The following COL16A1 variants were observed in gnomAD, a reference collection of about 807,000 sequenced individuals.
The protein encoded by COL16A1 is collagen type XVI alpha 1 chain.
COL16A1 carries 189 observed loss-of-function variants against 266.3 expected under a neutral mutation model. The observed-to-expected ratio is 0.71, with a 90% CI of 0.63 to 0.80. The LOEUF (loss-of-function observed/expected upper bound fraction) is 0.80. COL16A1 is among the 30% of genes least tolerant of loss of function. The probability of loss-of-function intolerance (pLI) is 0.00; values close to 1 mark genes in which losing one functional copy is unlikely to be tolerated. For missense variants in COL16A1, 1,928 were observed against 2,122.4 expected, an observed-to-expected ratio of 0.91 and a Z score of 1.80; for synonymous variants, 740 against 782.3, an observed-to-expected ratio of 0.95 and a Z score of 0.90.
chr1:31,679,953 C>T (rs1643495984), intron 40 of COL16A1, 89 bp downstream of exon 40: 2 of 1,575,852 alleles, frequency 1.3e-6, no homozygotes, highest in South Asian at 1.1e-5. Flanking sequence ...GGTGCGTGGC[C>T]CTGCGGGGCC....
intron 2 of COL16A1, chr1:31,701,312 G>C (rs1481407113): frequency 1.0e-6 from 1 of 985,326 alleles, no homozygotes; most frequent in Non-Finnish European, 1.2e-6. Flanking sequence ...CAGTGAGGGA[G>C]AGGAGAGCAA....
intron 20 of COL16A1, 31 bp from the exon 21 acceptor site, chr1:31,690,604 C>T: frequency 1.9e-6 from 3 of 1,611,536 alleles, no homozygotes; most frequent in Non-Finnish European, 1.7e-6. Flanking sequence ...AAGCGGGGAG[C>T]CTTCTGGCCA....
In COL16A1 at chr1:31,654,534, A is replaced by G. The variant is rs140247749; in HGVS notation, c.4357+258T>C. Among the ~76,000 whole-genome samples the G allele has an allele frequency of 2.2e-4, 33 of 152,260 alleles. No individual in the cohort carries two copies. In the East Asian group the frequency reaches 5.8e-3, roughly 27 times the overall value. The stretch of plus-strand genomic sequence containing the variant: ...CTTCAGGCAGACTCGTTTAATACCA[A>G]TTTTCTTGTCTGTCTCCTTTGCTCA... On this transcript the variant is annotated intron_variant, in intron 68 of 70. Coordinates refer to ENST00000373672, the MANE Select transcript of COL16A1 (RefSeq NM_001856.4).
chr1:31,690,092 C>T lies in COL16A1; in HGVS notation c.1510-241G>A, dbSNP rs1644190914. The T allele has an allele frequency of 9.6e-6, 6 of 622,444 alleles. No homozygotes were observed. In the South Asian group the frequency reaches 1.2e-4, roughly 13 times the overall value. The allele number at this position is 622,444 out of a possible 1,614,324, so 38.6% of individuals were successfully genotyped here. ...GTAAGCCTTAAAACATGACTGTGCC[C>T]CACTGACAGACATGGAAACTTGGGC... On this transcript the variant is annotated intron_variant, in intron 22 of 70. Transcript: ENST00000373672.
chr1:31,693,004 C>T lies in COL16A1; in HGVS notation c.1071+88G>A, dbSNP rs117922701. ...CTGGGCCAAGCTGCAGGCTTTCTGC[C>T]GGGATGATGGGATGATGGCTCACAT... On this transcript the variant is annotated intron_variant, in intron 13 of 70. Transcript: ENST00000373672. The T allele has an allele frequency of 8.5e-3, 8,830 of 1,041,072 alleles. 316 individuals are homozygous for T. In the African/African-American group the frequency reaches 0.088, roughly 10 times the overall value. 64.5% of individuals were successfully genotyped at this position (1,041,072 alleles called of 1,614,324 possible).
intron 62 of COL16A1, among the ~76,000 whole-genome samples, chr1:31,659,396 G>T (rs1641446952): frequency 1.3e-5 from 2 of 152,162 alleles, no homozygotes; most frequent in Non-Finnish European, 2.9e-5. Flanking sequence ...TGAGGGGCAG[G>T]GGCTTGGCAC....
At chr1:31,662,199 G>T in intron 58 of COL16A1, 135 bp downstream of exon 58, 1 of 1,493,888 alleles carries the variant, frequency 6.7e-7, no homozygotes, top group South Asian at 1.2e-5. Flanking sequence ...GAGGGAGACA[G>T]ACCGAGGGAG....
intron 62 of COL16A1, 111 bp from the exon 63 acceptor site, chr1:31,659,075 T>C (rs1176051814): frequency 3.0e-6 from 3 of 993,656 alleles, no homozygotes; most frequent in Admixed American, 2.1e-5. Flanking sequence ...CTCCATTTCC[T>C]CTGGAAACCT....
At chr1:31,667,744 T>C in intron 51 of COL16A1, 116 bp from the exon 52 acceptor site, 1 of 1,028,398 alleles carries the variant, frequency 9.7e-7, no homozygotes, top group Non-Finnish European at 1.5e-6. Context: ...GGAATGGCAC[T>C]GGGAGGACCG....
chr1:31,658,844 C>T, intron 63 of COL16A1, 70 bp downstream of exon 63: 1 of 1,522,670 alleles, frequency 6.6e-7, no homozygotes, highest in Non-Finnish European at 8.9e-7. Flanking sequence ...CCAGCTTCCT[C>T]TGAATGGAGC....
Position 31,675,388 on chromosome 1 carries a change from C to T in COL16A1, c.2773-77G>A, listed in dbSNP as rs1643101422. 1.9e-6 allele frequency: 3 copies of T among 1,559,872 alleles called. 1 individual carries two copies. Among genetic ancestry groups the T allele is most frequent in the Admixed American group, 3.8e-5 (2 of 52,644 alleles). Reference sequence around the variant, plus strand: ...GGTCAGCCTGTTTCCTTCTCATCATCCCCGCCTCCTCTTCCCCTTGTCCTG... The same window carrying T: ...GGTCAGCCTGTTTCCTTCTCATCATTCCCGCCTCCTCTTCCCCTTGTCCTG... On this transcript the variant is annotated intron_variant, in intron 42 of 70. Transcript: ENST00000373672.
Position 31,691,491 on chromosome 1 carries a change from G to A in COL16A1, c.1324C>T (p.Pro442Ser). 6.2e-7 allele frequency: 1 copy of A among 1,613,622 alleles called. No individual in the cohort carries two copies. The highest frequency in any genetic ancestry group is 1.1e-5 in the South Asian group (1 of 91,058). ...GQKGDPGFVG[P>S]EGLAGEPGPP... is the part of the protein sequence containing the mutation. Reference sequence around the variant, plus strand: ...CCAGGCTCTCCTGCCAGCCCCTCAGGCCCAACAAAGCCAGGGTCTCCCTGG... The same window carrying A: ...CCAGGCTCTCCTGCCAGCCCCTCAGACCCAACAAAGCCAGGGTCTCCCTGG... Residue 442 changes from proline to serine, a missense_variant, in exon 19 of 71, where the codon CCT (proline) becomes TCT (serine). By Grantham distance (74) the Pro-to-Ser change is moderately conservative. Around this residue, in one of 2 missense-constraint regions of COL16A1, gnomAD observed 1,552 missense variants for 1,637.2 expected, o/e 0.95. Transcript: ENST00000373672.
In COL16A1 at chr1:31,665,934, C is replaced by G. The variant is rs1222824003; in HGVS notation, c.3404G>C (p.Gly1135Ala). 1.2e-6 allele frequency: 2 copies of G among 1,614,140 alleles called. No individual in the cohort carries two copies. Among genetic ancestry groups the G allele is most frequent in the Non-Finnish European group, 1.7e-6 (2 of 1,180,026 alleles). ...EGLPGPPGPA[G>A]PRGERGPQGN... Reference sequence around the variant, plus strand: ...TTGGGGTCCTCGCTCTCCTCTGGGACCCTGTCACCCACAGAGAACAATGCA... The same window carrying G: ...TTGGGGTCCTCGCTCTCCTCTGGGAGCCTGTCACCCACAGAGAACAATGCA... The change falls in exon 54 of 71, where the codon GGT (glycine) becomes GCT (alanine). Residue 1135 changes from glycine to alanine, a missense_variant and splice_region_variant. Around this residue, in one of 2 missense-constraint regions of COL16A1, gnomAD observed 1,552 missense variants for 1,637.2 expected, o/e 0.95. Coordinates refer to ENST00000373672, the MANE Select transcript of COL16A1 (RefSeq NM_001856.4).
In COL16A1 at chr1:31,653,647, C is replaced by A; in HGVS notation, c.4564G>T (p.Asp1522Tyr). Residue 1522 changes from aspartate (D) to tyrosine (Y), a missense_variant, in exon 70 of 71, where the codon GAC becomes TAC. Transcript: ENST00000373672. ...TCTCCTGCAATGCCAATACCAATGT[C>A]CCCTTTTTCACCTTTGGTACCAGGC... Reference protein sequence around the residue: ...GLPGTKGEKGDIGIGIAGENG... With the variant: ...GLPGTKGEKGYIGIGIAGENG... 1 of 1,613,900 alleles carries A rather than the reference C, an allele frequency of 6.2e-7. No homozygotes were observed. Among genetic ancestry groups the A allele is most frequent in the Admixed American group, 1.7e-5 (1 of 59,998 alleles).
chr1:31,661,112 C>G lies in COL16A1; in HGVS notation c.3779G>C (p.Cys1260Ser). ...HPGLPGPKGD[C>S]GKPGPPGSTG... Reference sequence around the variant, plus strand: ...GCTGCCAGGGGGACCTGGTTTGCCACAGTCACCCTAGAAGAGAGAGGAGCA... The same window carrying G: ...GCTGCCAGGGGGACCTGGTTTGCCAGAGTCACCCTAGAAGAGAGAGGAGCA... Residue 1260 changes from cysteine (C) to serine (S), a missense_variant, in exon 61 of 71, where the codon TGT becomes TCT. Transcript: ENST00000373672. 1 of 1,564,278 alleles carries G rather than the reference C, an allele frequency of 6.4e-7. No homozygotes were observed.
chr1:31,672,907 G>A, intron 44 of COL16A1, 67 bp from the exon 45 acceptor site: 1 of 1,460,812 alleles, frequency 6.8e-7, no homozygotes, highest in South Asian at 1.2e-5. Context: ...CAACTGGGGA[G>A]CCCCAGTGAG....
Position 31,684,512 on chromosome 1 carries a change from G to C in COL16A1, c.2160+11C>G, listed in dbSNP as rs373320217. On this transcript the variant is annotated intron_variant, in intron 31 of 70. Coordinates refer to ENST00000373672, the MANE Select transcript of COL16A1 (RefSeq NM_001856.4). ...CAAACTCCCCGACCCCAACCACCCC[G>C]CCTGACTAACCTTTTCTCCTTTTGG... The C allele has an allele frequency of 6.2e-7, 1 of 1,607,922 alleles. No individual in the cohort carries two copies. The highest frequency in any genetic ancestry group is 8.5e-7 in the Non-Finnish European group (1 of 1,177,006).
intron 47 of COL16A1, 64 bp from the exon 48 acceptor site, chr1:31,671,723 A>G: frequency 6.2e-7 from 1 of 1,605,148 alleles, no homozygotes. Context: ...CTGGGATTCC[A>G]GCAGCCTTCC....
chr1:31,693,303 C>T (rs1644361113), intron 12 of COL16A1, 149 bp from the exon 13 acceptor site: 3 of 641,620 alleles, frequency 4.7e-6, no homozygotes, highest in Admixed American at 2.3e-5. Flanking sequence ...TGCCCCACGC[C>T]TCCCCCCACC....
Sources: allele counts gnomAD v4.1 joint callset (sites outside exome capture counted in the v4.1 genomes callset), GRCh38; gene constraint gnomAD v4.1.1; regional missense constraint gnomAD v4.1.1; transcripts MANE v1.5; gene names NCBI Gene and HGNC (gene_info 2026-07-23, HGNC 2026-07-21).